Variants in WDR7 observed in about 807,000 individuals in gnomAD.
WDR7 encodes the protein WD repeat-containing protein 7.
A neutral mutation model predicts 169.4 loss-of-function variants in WDR7; 46 were observed. That is an observed-to-expected ratio of 0.27 (90% confidence interval 0.21 to 0.35). The LOEUF (loss-of-function observed/expected upper bound fraction) is 0.35. Ranked by LOEUF, WDR7 falls within the 10% of genes least tolerant of loss-of-function variation. The probability of loss-of-function intolerance (pLI) is 1.00; values close to 1 mark genes in which losing one functional copy is unlikely to be tolerated. For missense variants in WDR7, 1,534 were observed against 1,859.3 expected, an observed-to-expected ratio of 0.83 and a Z score of 3.22; for synonymous variants, 612 against 666.8, an observed-to-expected ratio of 0.92 and a Z score of 1.27.
intron 20 of WDR7, among the ~76,000 whole-genome samples, chr18:56,864,143 C>T (rs948173444): frequency 1.3e-5 from 2 of 151,646 alleles, no homozygotes; most frequent in Admixed American, 1.3e-4. Flanking sequence ...AAAGAAAAAG[C>T]ATCAAATGGA....
chr18:56,800,952 T>C (rs1319500783), intron 19 of WDR7, among the ~76,000 whole-genome samples: 1 of 152,206 alleles, frequency 6.6e-6, no homozygotes, highest in Non-Finnish European at 1.5e-5. Context: ...TTCTGGGTCC[T>C]GTGAGTGGAC....
intron 13 of WDR7, 82 bp from the exon 14 acceptor site, chr18:56,731,301 T>C: frequency 6.8e-7 from 1 of 1,479,850 alleles, no homozygotes; most frequent in Non-Finnish European, 9.0e-7. Context: ...ACTTAAAAAA[T>C]TTTCATACCA....
intron 12 of WDR7, among the ~76,000 whole-genome samples, chr18:56,705,774 A>G (rs2511043): frequency 0.92 from 139,567 of 152,246 alleles, 65,181 homozygotes; most frequent in East Asian, 1. Flanking sequence ...TGAGGCTGGC[A>G]GATCACAAGG....
chr18:56,934,404 C>A lies in WDR7; in HGVS notation c.3714-1384C>A, dbSNP rs544359015. Among the ~76,000 whole-genome samples the A allele has an allele frequency of 2.0e-5, 3 of 152,086 alleles. No individual in the cohort carries two copies. In the South Asian group the frequency reaches 6.2e-4, roughly 32 times the overall value. On this transcript the variant is annotated intron_variant, in intron 22 of 27. Coordinates refer to ENST00000254442, the MANE Select transcript of WDR7 (RefSeq NM_015285.3). The stretch of plus-strand genomic sequence containing the variant: ...CCAAGAGCATCGGGCTCTTCCATGG[C>A]AGGGAGGTGGGGAGATGCCCACCGA...
At chr18:56,939,287 T>A (rs1555714558) in intron 24 of WDR7, 24 bp from the exon 25 acceptor site, 3 of 1,498,280 alleles carry the variant, frequency 2.0e-6, no homozygotes, top group Non-Finnish European at 2.7e-6. Context: ...AAATTAATTT[T>A]AAATCTGTTC....
At chr18:56,761,414 T>C (rs771737907) in intron 16 of WDR7, among the ~76,000 whole-genome samples, 4 of 152,230 alleles carry the variant, frequency 2.6e-5, no homozygotes, top group Non-Finnish European at 4.4e-5. Flanking sequence ...TAATGAGACT[T>C]GATATTCAGT....
At chr18:56,821,465 T>G (rs955829408) in intron 20 of WDR7, among the ~76,000 whole-genome samples, 1 of 152,190 alleles carries the variant, frequency 6.6e-6, no homozygotes, top group Non-Finnish European at 1.5e-5. Context: ...CCAAAGCTGA[T>G]GTGTGGTCTT....
At chr18:56,750,597 A>C (rs1464520497) in intron 14 of WDR7, among the ~76,000 whole-genome samples, 1 of 152,238 alleles carries the variant, frequency 6.6e-6, no homozygotes, top group African/African-American at 2.4e-5. Flanking sequence ...TTCTTAATAA[A>C]GGTAGCAGCG....
chr18:56,935,948 G>A lies in WDR7; in HGVS notation c.3831+43G>A, dbSNP rs775467091. The A allele has an allele frequency of 9.1e-6, 14 of 1,538,260 alleles. No individual in the cohort carries two copies. In the South Asian group the frequency reaches 1.4e-4, roughly 16 times the overall value. ...GTGTGCTCCATCTTCTCATTTAGAG[G>A]AATTATTTGATACTATAAGCTGAGG... On this transcript the variant is annotated intron_variant, in intron 23 of 27. Transcript: ENST00000254442.
intron 1 of WDR7, among the ~76,000 whole-genome samples, chr18:56,671,479 C>G (rs969055362): frequency 2.2e-4 from 34 of 152,178 alleles, no homozygotes; most frequent in African/African-American, 7.9e-4. Context: ...ACCTTGTTGG[C>G]CAGGCTGGTC....
At chr18:56,905,746 T>A (rs188652582) in intron 21 of WDR7, among the ~76,000 whole-genome samples, 297 of 152,080 alleles carry the variant, frequency 2.0e-3, no homozygotes, top group African/African-American at 6.8e-3. Context: ...TTATATTTCT[T>A]TCAAATATTA....
intron 20 of WDR7, among the ~76,000 whole-genome samples, chr18:56,831,600 A>G (rs938417029): frequency 6.6e-6 from 1 of 151,908 alleles, no homozygotes; most frequent in Non-Finnish European, 1.5e-5. Context: ...CCAACCCAGA[A>G]GGTGGGTGAT....
rs542999810 is a variant in WDR7 at position 56,981,063 on chromosome 18, G to A, written c.4164+18534G>A. 5.3e-5 allele frequency among the ~76,000 whole-genome samples: 8 copies of A among 152,278 alleles called. No individual in the cohort carries two copies. The South Asian group carries it at 1.7e-3, about 32-fold the overall frequency. ...AGACTAGTTTCAGGCTATTCCAGAA[G>A]TACTCCAGGTTAGAGATGAGAGTAG... is the stretch of plus-strand genomic sequence containing the variant. On this transcript the variant is annotated intron_variant, in intron 26 of 27. Coordinates refer to ENST00000254442, the MANE Select transcript of WDR7 (RefSeq NM_015285.3).
Position 56,814,563 on chromosome 18 carries a change from A to G in WDR7, c.3191-1468A>G, listed in dbSNP as rs374285696. 2.3e-3 allele frequency among the ~76,000 whole-genome samples: 351 copies of G among 152,270 alleles called. 3 individuals are homozygous for G. The highest frequency in any genetic ancestry group is 0.021 in the South Asian group (100 of 4,824). ...TTAAAATTGATCATATAAATCTAAC[A>G]AAGTGCTTCTGTAAGTTAAACATTG... On this transcript the variant is annotated intron_variant, in intron 19 of 27. Transcript: ENST00000254442.
At chr18:56,706,642 C>T (rs186777197) in intron 12 of WDR7, among the ~76,000 whole-genome samples, 283 of 152,068 alleles carry the variant, frequency 1.9e-3, no homozygotes, top group Non-Finnish European at 2.6e-3. Flanking sequence ...GCAGTTTGTA[C>T]GTTCATTTTC....
chr18:56,663,340 TTA>T (rs2024945941), intron 1 of WDR7, among the ~76,000 whole-genome samples: 1 of 3,432 alleles, frequency 2.9e-4, no homozygotes, highest in African/African-American at 3.0e-4. Flanking sequence ...AGGGAAAACA[TTA>T]TAAAAAGCAT....
Position 56,826,389 on chromosome 18 carries a change from G to A in WDR7, c.3304+10245G>A, listed in dbSNP as rs542257686. On this transcript the variant is annotated intron_variant, in intron 20 of 27. Transcript: ENST00000254442. ...AAACAGGTTTTAAAATAGATGTCGGGTTCTGAAGACTCCTTCTTCCTGATA... is the reference window on the plus strand; with the variant it reads ...AAACAGGTTTTAAAATAGATGTCGGATTCTGAAGACTCCTTCTTCCTGATA... 3.9e-5 allele frequency among the ~76,000 whole-genome samples: 6 copies of A among 152,236 alleles called. No homozygotes were observed. In the South Asian group the frequency reaches 1.2e-3, roughly 32 times the overall value.
At chr18:56,928,425 A>T (rs553599291) in intron 22 of WDR7, among the ~76,000 whole-genome samples, 297 of 152,338 alleles carry the variant, frequency 1.9e-3, no homozygotes, top group Admixed American at 3.9e-3. Context: ...TGATTGGACC[A>T]CTACTCTACA....
chr18:56,891,833 T>G (rs2046267670), intron 21 of WDR7, among the ~76,000 whole-genome samples: 1 of 152,122 alleles, frequency 6.6e-6, no homozygotes, highest in Non-Finnish European at 1.5e-5. Context: ...TTTATATGTT[T>G]AAATATAACA....
Sources: gnomAD v4.1 joint callset for allele counts (sites outside exome capture counted in the v4.1 genomes callset) on GRCh38, gnomAD v4.1.1 for gene constraint, MANE v1.5 for transcripts, NCBI Gene and HGNC (gene_info 2026-07-23, HGNC 2026-07-21) for gene names.